Variants in C9orf72 observed in about 807,000 individuals in gnomAD.
C9orf72 encodes C9orf72-SMCR8 complex subunit.
C9orf72 carries 44 observed loss-of-function variants against 51.6 expected under a neutral mutation model. The ratio of observed to expected loss-of-function variants is 0.85; its 90% CI spans 0.67 to 1.10. The LOEUF is 1.10. C9orf72 is among the 50% of genes least tolerant of loss of function. C9orf72 has a pLI of 0.00. For synonymous variants in C9orf72, 213 were observed against 194.2 expected (o/e 1.10, Z -0.81); for missense variants, 607 against 570.6 (o/e 1.06, Z -0.65).
chr9:27,548,810 G>T, intron 9 of C9orf72, 144 bp from the exon 10 acceptor site: 2 of 562,186 alleles, frequency 3.6e-6, no homozygotes, highest in East Asian at 2.9e-5. Flanking sequence ...CCTAACAGGA[G>T]TGTGGTATAG....
intron 2 of C9orf72, 114 bp from the exon 3 acceptor site, chr9:27,565,704 ACTTTAGGG>A: frequency 1.5e-6 from 1 of 670,108 alleles, no homozygotes; most frequent in South Asian, 1.8e-5. Context: ...AATACTTTCT[ACTTTAGGG>A]AAAAAATGGG....
intron 8 of C9orf72, among the ~76,000 whole-genome samples, chr9:27,556,045 C>T (rs1159312147): frequency 7.1e-6 from 1 of 140,938 alleles, no homozygotes; most frequent in African/African-American, 2.7e-5. Context: ...ACTGTTCAGG[C>T]TTTTTTTTTT....
Position 27,562,379 on chromosome 9 carries a change from A to C in C9orf72, c.600+2T>G, listed in dbSNP as rs1332101955. On this transcript the variant is annotated splice_donor_variant, in intron 4 of 10. Transcript: ENST00000380003. LOFTEE classifies it high-confidence loss of function. Reference sequence around the variant, plus strand: ...TGTATAATTGCTCTCATTTAAACTTACATCTATTTCTTCAGGAACACTGTG... The same window carrying C: ...TGTATAATTGCTCTCATTTAAACTTCCATCTATTTCTTCAGGAACACTGTG... The C allele has an allele frequency of 6.5e-7, 1 of 1,527,788 alleles. No individual in the cohort carries two copies. The highest frequency in any genetic ancestry group is 1.2e-5 in the South Asian group (1 of 84,158). The allele number at this position is 1,527,788 out of a possible 1,614,324, so 94.6% of individuals were successfully genotyped here. A position where few individuals can be genotyped will look rare whatever the true frequency, so the allele number is the denominator to read the frequency against.
At chr9:27,563,153 C>T (rs1340033589) in intron 3 of C9orf72, among the ~76,000 whole-genome samples, 1 of 152,084 alleles carries the variant, frequency 6.6e-6, no homozygotes, top group Admixed American at 6.5e-5. Context: ...ACCTAACCTC[C>T]ATACTCATAA....
chr9:27,567,788 T>C (rs1031167434), intron 1 of C9orf72, among the ~76,000 whole-genome samples: 2 of 151,990 alleles, frequency 1.3e-5, no homozygotes, highest in African/African-American at 4.8e-5. Context: ...CAGAGACAAA[T>C]GGTAGACAGC....
intron 6 of C9orf72, chr9:27,559,517 A>G (rs533115786): frequency 6.6e-6 from 1 of 151,876 alleles, no homozygotes; most frequent in East Asian, 1.9e-4. Flanking sequence ...GCTGATTACA[A>G]AAAAAAATTA....
chr9:27,555,611 G>C (rs1333029941), intron 8 of C9orf72, among the ~76,000 whole-genome samples: 2 of 149,076 alleles, frequency 1.3e-5, no homozygotes, highest in Admixed American at 1.3e-4. Context: ...CCCCAGGCTG[G>C]AGTACACTGG....
rs1426941975 is a variant in C9orf72 at position 27,573,440 on chromosome 9, A to AC, written c.-55dup. Reference sequence around the variant, plus strand: ...CCGCCTCCTCACTCACCCACTCGCCACCGCCTGCGCCTCCGCCGCCGCGGG... The same window carrying AC: ...CCGCCTCCTCACTCACCCACTCGCCACCCGCCTGCGCCTCCGCCGCCGCGGG... On this transcript the variant is annotated 5_prime_UTR_variant, in exon 1 of 11. Coordinates refer to ENST00000380003, the MANE Select transcript of C9orf72 (RefSeq NM_018325.5). 1 of 147,554 alleles carries AC rather than the reference A, an allele frequency of 6.8e-6. No individual in the cohort carries two copies. The highest frequency in any genetic ancestry group is 1.5e-5 in the Non-Finnish European group (1 of 66,534). 9.1% of individuals were successfully genotyped at this position (147,554 alleles called of 1,614,324 possible).
chr9:27,566,661 C>G lies in C9orf72; in HGVS notation c.444+16G>C. 1 of 1,540,728 alleles carries G rather than the reference C, an allele frequency of 6.5e-7. No homozygotes were observed. The highest frequency in any genetic ancestry group is 8.8e-7 in the Non-Finnish European group (1 of 1,134,676). On this transcript the variant is annotated intron_variant, in intron 2 of 10. Transcript: ENST00000380003. ...CAGATAGGTTAACATGATTAATAAGCTGAAAAATCACTTACCTTATGCATC... is the reference window on the plus strand; with the variant it reads ...CAGATAGGTTAACATGATTAATAAGGTGAAAAATCACTTACCTTATGCATC...
chr9:27,572,120 T>G (rs1479763853), intron 1 of C9orf72, among the ~76,000 whole-genome samples: 1 of 152,246 alleles, frequency 6.6e-6, no homozygotes, highest in Non-Finnish European at 1.5e-5. Context: ...AGTGCCAACA[T>G]AGCCAAACAA....
rs552392309 is a variant in C9orf72 at position 27,567,949 on chromosome 9, G to A, written c.-44-785C>T. Among the ~76,000 whole-genome samples the A allele has an allele frequency of 7.8e-4, 119 of 152,120 alleles. 1 individual carries two copies. The highest frequency in any genetic ancestry group is 2.7e-3 in the African/African-American group (114 of 41,496). On this transcript the variant is annotated intron_variant, in intron 1 of 10. Coordinates refer to ENST00000380003, the MANE Select transcript of C9orf72 (RefSeq NM_018325.5). ...ATGCCCCTGTCAACACTTTGATTTC[G>A]GACTTCTAGCTTCTAGAATTGTGAG...
chr9:27,567,507 A>G (rs1293364017), intron 1 of C9orf72, among the ~76,000 whole-genome samples: 2 of 152,206 alleles, frequency 1.3e-5, no homozygotes, highest in South Asian at 2.1e-4. Flanking sequence ...TATCCAGTCC[A>G]TGTGCAATTC....
chr9:27,561,679 G>C, intron 4 of C9orf72, 30 bp from the exon 5 acceptor site: 1 of 1,413,168 alleles, frequency 7.1e-7, no homozygotes, highest in Non-Finnish European at 9.9e-7. Flanking sequence ...AAAAAAATTA[G>C]TCTGGCTGTA....
At chr9:27,558,461 G>A (rs375808867) in intron 7 of C9orf72, 30 bp downstream of exon 7, 237 of 1,160,704 alleles carry the variant, frequency 2.0e-4, no homozygotes, top group Non-Finnish European at 2.7e-4. Context: ...TTAGAAAAGT[G>A]GTTTCACTTG....
chr9:27,564,790 T>C (rs1007470057), intron 3 of C9orf72, among the ~76,000 whole-genome samples: 4 of 152,112 alleles, frequency 2.6e-5, no homozygotes, highest in Non-Finnish European at 4.4e-5. Flanking sequence ...ACAAGGAGCA[T>C]TGAGGGTCAC....
chr9:27,549,483 A>G (rs1243106627), intron 9 of C9orf72, among the ~76,000 whole-genome samples: 1 of 152,158 alleles, frequency 6.6e-6, no homozygotes, highest in Non-Finnish European at 1.5e-5. Flanking sequence ...GAACTTCGCA[A>G]TATGTCACAG....
intron 9 of C9orf72, among the ~76,000 whole-genome samples, chr9:27,549,434 CT>C (rs1563898354): frequency 2.0e-5 from 3 of 152,064 alleles, no homozygotes; most frequent in Admixed American, 1.3e-4. Flanking sequence ...TTTATGTCAG[CT>C]TGAGAAGCAT....
chr9:27,559,218 TA>T (rs1245501631), intron 6 of C9orf72: 3 of 137,706 alleles, frequency 2.2e-5, no homozygotes, highest in Middle Eastern at 7.5e-3. Context: ...TAAAACAAGA[TA>T]AAAGGTAAGC....
At chr9:27,560,393 C>A in intron 5 of C9orf72, 94 bp from the exon 6 acceptor site, 1 of 886,758 alleles carries the variant, frequency 1.1e-6, no homozygotes, top group Non-Finnish European at 1.7e-6. Flanking sequence ...TCAAATAACT[C>A]AGAATAGCTT....
Sources: gnomAD v4.1 joint callset for allele counts (sites outside exome capture counted in the v4.1 genomes callset) on GRCh38, gnomAD v4.1.1 for gene constraint, MANE v1.5 for transcripts, NCBI Gene and HGNC (gene_info 2026-07-23, HGNC 2026-07-21) for gene names.